RHOBTB2: variants seen among roughly 807,000 people sequenced by gnomAD.
RHOBTB2 encodes the protein Rho related BTB domain containing 2.
Under a neutral mutation model 66.5 loss-of-function variants are expected in RHOBTB2, and 39 were observed. The observed-to-expected ratio is 0.59, with a 90% CI of 0.45 to 0.77. The LOEUF (loss-of-function observed/expected upper bound fraction) is 0.77, where lower values mean the gene tolerates loss of function less well. Ranked by LOEUF, RHOBTB2 falls within the 30% of genes least tolerant of loss-of-function variation. The probability of loss-of-function intolerance (pLI) is 0.00; values close to 1 mark genes in which losing one functional copy is unlikely to be tolerated. For missense variants in RHOBTB2, 755 were observed against 999.1 expected, an observed-to-expected ratio of 0.76 and a Z score of 3.29; for synonymous variants, 390 against 395.0, an observed-to-expected ratio of 0.99 and a Z score of 0.15.
chr8:22,973,233 GGTTT>G, the RHOBTB2 span, among the ~76,000 whole-genome samples: 3 of 151,978 alleles, frequency 2.0e-5, no homozygotes, highest in Admixed American at 6.6e-5. Flanking sequence ...TTTGTTTGTT[GGTTT>G]GTTTATTTAT....
chr8:22,989,837 C>A (rs2128796172), intron 1 of RHOBTB2, among the ~76,000 whole-genome samples: 1 of 152,354 alleles, frequency 6.6e-6, no homozygotes, highest in South Asian at 2.1e-4. Context: ...TGCTGTGCGT[C>A]TGTCTCCCCA....
chr8:22,955,785 A>G, the RHOBTB2 span, among the ~76,000 whole-genome samples: 1,995 of 152,042 alleles, frequency 0.013, 44 homozygotes, highest in African/African-American at 0.044. Flanking sequence ...GGCCAAGCTG[A>G]TCTCAAACTC....
At chr8:22,994,699 T>C (rs1810500919), upstream of RHOBTB2, 20 of 1,372,756 alleles carry the variant, frequency 1.5e-5, no homozygotes, top group Non-Finnish European at 2.0e-5. Flanking sequence ...CCATCGAGCA[T>C]TTATTAAGCA....
upstream of RHOBTB2, among the ~76,000 whole-genome samples, chr8:22,997,506 A>G (rs2128799784): frequency 1.3e-5 from 2 of 151,884 alleles, 1 homozygote; most frequent in South Asian, 4.2e-4. Flanking sequence ...TTTGTCCAAG[A>G]CCCTTCCACC....
At chr8:23,014,929 C>G in intron 8 of RHOBTB2, 151 bp downstream of exon 8, 1 of 673,692 alleles carries the variant, frequency 1.5e-6, no homozygotes, top group South Asian at 1.8e-5. Context: ...ATCTCCTCCT[C>G]CATGCCAGGA....
chr8:22,995,687 G>A (rs1468479718), upstream of RHOBTB2, among the ~76,000 whole-genome samples: 1 of 152,192 alleles, frequency 6.6e-6, no homozygotes. Flanking sequence ...TCACCCTGCT[G>A]GGGCTCTGCA....
At chr8:22,988,818 C>T (rs1046139938) in intron 1 of RHOBTB2, among the ~76,000 whole-genome samples, 1 of 152,132 alleles carries the variant, frequency 6.6e-6, no homozygotes, top group African/African-American at 2.4e-5. Context: ...CAGATGCTAG[C>T]GAGGCTATGA....
intron 6 of RHOBTB2, among the ~76,000 whole-genome samples, chr8:23,010,183 C>T (rs528701813): frequency 4.5e-4 from 68 of 152,306 alleles, no homozygotes; most frequent in Admixed American, 5.2e-4. Flanking sequence ...GACGCCATGG[C>T]TTGTGCCTAT....
At chr8:22,979,284 A>ACACTC in the RHOBTB2 span, among the ~76,000 whole-genome samples, 1 of 152,210 alleles carries the variant, frequency 6.6e-6, no homozygotes, top group African/African-American at 2.4e-5. Flanking sequence ...CTTCTCTCAA[A>ACACTC]CACTCCAATC....
At chr8:23,010,454 C>T (rs1811108414) in intron 6 of RHOBTB2, 84 bp from the exon 7 acceptor site, 6 of 1,494,452 alleles carry the variant, frequency 4.0e-6, no homozygotes, top group Non-Finnish European at 2.7e-6. Flanking sequence ...GTGTGAGGGC[C>T]AGAGCTCTTC....
upstream of RHOBTB2, chr8:22,995,710 T>C (rs747317528): frequency 1.5e-5 from 11 of 754,254 alleles, no homozygotes; most frequent in Admixed American, 6.9e-5. Context: ...TTGAAATGCC[T>C]CTGCTTTTGC....
chr8:23,017,569 G>T lies in RHOBTB2; in HGVS notation c.*100G>T, dbSNP rs1007476112. ...CCATCCACCTTACAGGGACCAGGGG[G>T]CCCACGTAACCAGGACCCAGAGGGT... On this transcript the variant is annotated 3_prime_UTR_variant, in exon 10 of 10. Coordinates refer to ENST00000251822, the MANE Select transcript of RHOBTB2 (RefSeq NM_015178.3). This position sits in a 1 kb window ranked among gnomAD's most constrained non-coding sequence, Gnocchi z 5.3. 1 of 1,500,848 alleles carries T rather than the reference G, an allele frequency of 6.7e-7. No homozygotes were observed. The highest frequency in any genetic ancestry group is 8.9e-7 in the Non-Finnish European group (1 of 1,117,424). 93.0% of individuals were successfully genotyped at this position (1,500,848 alleles called of 1,614,324 possible).
the RHOBTB2 span, among the ~76,000 whole-genome samples, chr8:22,952,461 G>A: frequency 1.3e-5 from 2 of 152,096 alleles, no homozygotes; most frequent in Non-Finnish European, 2.9e-5. Context: ...TGGAATAAAG[G>A]CACTTTCTTT....
At chr8:22,964,627 G>A in the RHOBTB2 span, among the ~76,000 whole-genome samples, 1 of 151,778 alleles carries the variant, frequency 6.6e-6, no homozygotes, top group East Asian at 1.9e-4. Context: ...TCACATGAAG[G>A]CTCCAAGACA....
chr8:22,969,901 G>C, the RHOBTB2 span, among the ~76,000 whole-genome samples: 1 of 152,048 alleles, frequency 6.6e-6, no homozygotes, highest in Admixed American at 6.6e-5. Flanking sequence ...ACAGGCATGT[G>C]TCACTATGCC....
At chr8:22,981,915 T>G in the RHOBTB2 span, among the ~76,000 whole-genome samples, 2 of 151,684 alleles carry the variant, frequency 1.3e-5, no homozygotes. Flanking sequence ...ATCCGCCACT[T>G]TACACTCAGG....
At chr8:23,008,196 T>A in intron 6 of RHOBTB2, 85 bp downstream of exon 6, 1 of 921,804 alleles carries the variant, frequency 1.1e-6, no homozygotes, top group Non-Finnish European at 1.7e-6. Context: ...CAGGGTACTT[T>A]CTTCACTGAC....
the RHOBTB2 span, among the ~76,000 whole-genome samples, chr8:22,973,864 C>A: frequency 6.6e-6 from 1 of 152,176 alleles, no homozygotes; most frequent in Non-Finnish European, 1.5e-5. Context: ...AGAGCAGCAG[C>A]CTGCCCCACC....
Position 23,004,141 on chromosome 8 carries a change from C to T in RHOBTB2, c.-10-284C>T, listed in dbSNP as rs953142896. The T allele has an allele frequency of 1.5e-5, 7 of 454,942 alleles. No homozygotes were observed. The highest frequency in any genetic ancestry group is 3.4e-5 in the Admixed American group (1 of 29,290). The allele number at this position is 454,942 out of a possible 1,614,324, so 28.2% of individuals were successfully genotyped here. On this transcript the variant is annotated intron_variant, in intron 1 of 9. Coordinates refer to ENST00000251822, the MANE Select transcript of RHOBTB2 (RefSeq NM_015178.3). The surrounding 1 kb of genome is among the most constrained non-coding windows in gnomAD (Gnocchi z 6.4). ...CCTCGGCAAGCTCCACTGGTGATCT[C>T]GCGTAGGTCTCCTTCATCCAGACGC...
Sources: gnomAD v4.1 joint callset for allele counts (sites outside exome capture counted in the v4.1 genomes callset) on GRCh38, gnomAD v4.1.1 for gene constraint, Gnocchi (gnomAD v3.1) non-coding constraint, MANE v1.5 for transcripts, NCBI Gene and HGNC (gene_info 2026-07-23, HGNC 2026-07-21) for gene names.